Variants in ZNF808 observed in about 807,000 individuals in gnomAD.
ZNF808 encodes zinc finger protein 808.
ZNF808 carries 5 observed loss-of-function variants against 8.7 expected under a neutral mutation model. That is an observed-to-expected ratio of 0.58 (90% CI 0.30 to 1.21). The LOEUF (loss-of-function observed/expected upper bound fraction) is 1.21. Among genes scored for constraint, ZNF808 ranks in the 50% most tolerant of loss-of-function variants. The pLI, the probability that ZNF808 is intolerant of heterozygous loss-of-function variation, is 0.07. For synonymous variants in ZNF808, 380 were observed against 366.0 expected (o/e 1.04, Z -0.44); for missense variants, 1,103 against 1,098.4 (o/e 1.00, Z -0.06).
At position 52,553,743 on chromosome 19, in the gene ZNF808, G is replaced by T. The variant is rs763749250; in HGVS notation, c.827G>T (p.Cys276Phe). 2 of 1,614,158 alleles carry T rather than the reference G, an allele frequency of 1.2e-6. No individual in the cohort carries two copies. The highest frequency in any genetic ancestry group is 1.7e-6 in the Non-Finnish European group (2 of 1,180,016). ...TTTAATCACAAGCAATACCTTGCAT[G>T]CCATCGTAGATGTCACACTGGAGAG... ...KLFNHKQYLA[C>F]HRRCHTGEKP... The change falls in exon 5 of 5, where the codon TGC (cysteine) becomes TTC (phenylalanine). Residue 276 changes from cysteine to phenylalanine, a missense_variant. Cys to Phe is a radical substitution (Grantham distance 205, BLOSUM62 -2). Coordinates refer to ENST00000359798, the MANE Select transcript of ZNF808 (RefSeq NM_001039886.4).
At chr19:52,564,411 G>T (rs2059867627) in exon 4 of ZNF808, 2 of 318,072 alleles carry the variant, frequency 6.3e-6, no homozygotes, top group Non-Finnish European at 1.1e-5. Context: ...AAACATGTGA[G>T]ACCTTTCATT....
intron 4 of ZNF808, among the ~76,000 whole-genome samples, chr19:52,551,089 T>G (rs143428918): frequency 6.6e-6 from 1 of 152,130 alleles, no homozygotes; most frequent in Admixed American, 6.6e-5. Flanking sequence ...TGATGACTCA[T>G]GCCTATAATC....
chr19:52,561,243 CTTTT>C, downstream of ZNF808, among the ~76,000 whole-genome samples: 1 of 110,434 alleles, frequency 9.1e-6, no homozygotes, highest in Admixed American at 9.1e-5. Flanking sequence ...TATATATACA[CTTTT>C]TTTATTATAC....
At chr19:52,530,749 A>G (rs960223096) in intron 1 of ZNF808, among the ~76,000 whole-genome samples, 1 of 152,024 alleles carries the variant, frequency 6.6e-6, no homozygotes, top group African/African-American at 2.4e-5. Flanking sequence ...TTTGGGAGCA[A>G]ATCACTGAAG....
At chr19:52,564,383 T>G (rs373654133) in exon 4 of ZNF808, 1 of 436,064 alleles carries the variant, frequency 2.3e-6, no homozygotes, top group East Asian at 4.3e-5. Flanking sequence ...AACGCATTGG[T>G]TGGGTGGGTT....
At chr19:52,562,160 C>G (rs1454891852) in intron 3 of ZNF808, among the ~76,000 whole-genome samples, 1 of 152,006 alleles carries the variant, frequency 6.6e-6, no homozygotes, top group Non-Finnish European at 1.5e-5. Context: ...GGTGGATCAC[C>G]TGAGGTCAGG....
intron 3 of ZNF808, among the ~76,000 whole-genome samples, chr19:52,544,791 T>C (rs1427281047): frequency 6.6e-6 from 1 of 152,158 alleles, no homozygotes; most frequent in Non-Finnish European, 1.5e-5. Context: ...GGCTGGACTC[T>C]GCACATTTTT....
In ZNF808 at chr19:52,555,565, C is replaced by T; in HGVS notation, c.2649C>T (p.Ala883=). The change falls in exon 5 of 5, where the codon GCC becomes GCT. Residue 883 remains alanine, a synonymous_variant. Transcript: ENST00000359798. ...ACAAGTGTAATGAGTGTGGCAAAGC[C>T]TTTAGTGACCGGTCAACACTTATTC... The part of the protein sequence containing the change: ...KPYKCNECGK[A]FSDRSTLIHH... 1 of 1,613,426 alleles carries T rather than the reference C, an allele frequency of 6.2e-7. No individual in the cohort carries two copies. The highest frequency in any genetic ancestry group is 8.5e-7 in the Non-Finnish European group (1 of 1,179,724).
downstream of ZNF808, among the ~76,000 whole-genome samples, chr19:52,560,293 T>C (rs2059852088): frequency 6.6e-6 from 1 of 151,576 alleles, no homozygotes; most frequent in Non-Finnish European, 1.5e-5. Context: ...GCCACTGCAC[T>C]CCTGCCTGGG....
intron 2 of ZNF808, among the ~76,000 whole-genome samples, chr19:52,538,579 G>T (rs1256747095): frequency 6.7e-6 from 1 of 149,394 alleles, no homozygotes; most frequent in Non-Finnish European, 1.5e-5. Flanking sequence ...GGTGAGCTGA[G>T]ATCGCACCAT....
In ZNF808 at chr19:52,555,133, G is replaced by A. The variant is rs2059822670; in HGVS notation, c.2217G>A (p.Glu739=). 2 of 1,613,958 alleles carry A rather than the reference G, an allele frequency of 1.2e-6. No homozygotes were observed. Among genetic ancestry groups the A allele is most frequent in the East Asian group, 4.5e-5 (2 of 44,860 alleles). ...HSGEKPYKCS[E]CSKTFSQKAT... The stretch of plus-strand genomic sequence containing the variant: ...GTGAGAAACCTTACAAGTGTAGTGA[G>A]TGCAGCAAGACGTTCAGTCAGAAGG... The change falls in exon 5 of 5, where the codon GAG becomes GAA. Residue 739 remains glutamate (E), a synonymous_variant. Coordinates refer to ENST00000359798, the MANE Select transcript of ZNF808 (RefSeq NM_001039886.4).
At chr19:52,541,414 A>AT (rs1326993300) in intron 2 of ZNF808, among the ~76,000 whole-genome samples, 1 of 151,998 alleles carries the variant, frequency 6.6e-6, no homozygotes. Context: ...AAGGCAGCCT[A>AT]TTGGCCCTTT....
intron 2 of ZNF808, among the ~76,000 whole-genome samples, chr19:52,540,069 T>C (rs1450402899): frequency 3.9e-5 from 6 of 151,914 alleles, no homozygotes; most frequent in Non-Finnish European, 8.8e-5. Context: ...TGGAGTCTAG[T>C]GGCACGACCT....
rs2059821344 is a variant in ZNF808 at position 52,555,044 on chromosome 19, A to G, written c.2128A>G (p.Asn710Asp). 2 of 1,613,930 alleles carry G rather than the reference A, an allele frequency of 1.2e-6. No homozygotes were observed. The highest frequency in any genetic ancestry group is 1.3e-5 in the African/African-American group (1 of 74,858). The part of the protein sequence containing the change: ...IHSGMKPYKC[N>D]ECSKTFSNRS... Reference sequence around the variant, plus strand: ...CAGTGGAATGAAACCTTACAAGTGTAATGAGTGCAGCAAGACCTTCAGTAA... The same window carrying G: ...CAGTGGAATGAAACCTTACAAGTGTGATGAGTGCAGCAAGACCTTCAGTAA... Residue 710 changes from asparagine to aspartate, a missense_variant, in exon 5 of 5, where the codon AAT becomes GAT. Transcript: ENST00000359798.
intron 2 of ZNF808, among the ~76,000 whole-genome samples, chr19:52,538,311 C>G (rs539698628): frequency 3.1e-5 from 4 of 129,026 alleles, no homozygotes; most frequent in Non-Finnish European, 7.0e-5. Context: ...GATGAGCCAC[C>G]GCGCCCGGCC....
Position 52,543,266 on chromosome 19 carries a change from G to T in ZNF808, c.-19G>T, listed in dbSNP as rs939611005. On this transcript the variant is annotated splice_region_variant and 5_prime_UTR_variant, in exon 3 of 5. Transcript: ENST00000359798. ...AAGTCTTATTTTTTTTCACATACAG[G>T]ATTGATTTCTAAAGACTCATGTTAC... The T allele has an allele frequency of 2.5e-6, 4 of 1,612,716 alleles. No individual in the cohort carries two copies. The highest frequency in any genetic ancestry group is 1.1e-5 in the South Asian group (1 of 90,952).
chr19:52,561,311 A>G (rs542392552), downstream of ZNF808, among the ~76,000 whole-genome samples: 22 of 151,418 alleles, frequency 1.5e-4, no homozygotes, highest in African/African-American at 5.1e-4. Context: ...ACATGTATAC[A>G]TGTTCCATGT....
intron 4 of ZNF808, among the ~76,000 whole-genome samples, chr19:52,552,411 C>CTTTTTTTTTTTT (rs777720809): frequency 7.1e-6 from 1 of 141,790 alleles, no homozygotes. Flanking sequence ...TAACTTTTTT[C>CTTTTTTTTTTTT]TTTTTTTTTT....
Position 52,555,638 on chromosome 19 carries a change from T to G in ZNF808, c.*10T>G. 3 of 1,587,682 alleles carry G rather than the reference T, an allele frequency of 1.9e-6. No individual in the cohort carries two copies. The highest frequency in any genetic ancestry group is 1.3e-5 in the African/African-American group (1 of 74,268). On this transcript the variant is annotated 3_prime_UTR_variant, in exon 5 of 5. Transcript: ENST00000359798. ...AGGGAAATTTGATTAATATAATGAT[T>G]GTCACAAAGTCTTCAGTAACACTAC...
Sources: allele counts gnomAD v4.1 joint callset (sites outside exome capture counted in the v4.1 genomes callset), GRCh38; gene constraint gnomAD v4.1.1; transcripts MANE v1.5; gene names NCBI Gene and HGNC (gene_info 2026-07-23, HGNC 2026-07-21).